Variants in CDH18 observed in about 807,000 individuals in gnomAD.
CDH18 encodes the protein cadherin 18, also known as cadherin-18.
Under a neutral mutation model 67.9 loss-of-function variants are expected in CDH18, and 31 were observed. The ratio of observed to expected loss-of-function variants is 0.46; its 90% CI spans 0.34 to 0.62. The LOEUF (loss-of-function observed/expected upper bound fraction) is 0.62, where lower values mean the gene tolerates loss of function less well. CDH18 is among the 20% of genes least tolerant of loss of function. CDH18 has a pLI of 0.01. For synonymous variants in CDH18, 362 were observed against 347.2 expected (o/e 1.04, Z -0.48); for missense variants, 890 against 975.5 (o/e 0.91, Z 1.17).
intron 1 of CDH18, among the ~76,000 whole-genome samples, chr5:20,332,450 T>C (rs1047869934): frequency 1.3e-5 from 2 of 152,216 alleles, no homozygotes; most frequent in African/African-American, 2.4e-5. Flanking sequence ...TGGTGAACGC[T>C]TAAGTCTGGG....
chr5:20,073,062 T>C (rs1389875563), intron 2 of CDH18, among the ~76,000 whole-genome samples: 1 of 151,926 alleles, frequency 6.6e-6, no homozygotes, highest in Non-Finnish European at 1.5e-5. Flanking sequence ...TTAGAAAACA[T>C]GTACATAAAA....
intron 5 of CDH18, among the ~76,000 whole-genome samples, chr5:19,666,356 C>T (rs904660784): frequency 8.6e-5 from 13 of 151,100 alleles, no homozygotes; most frequent in Non-Finnish European, 1.5e-4. Context: ...AATCCTCCTG[C>T]TTTGGCCTTC....
At chr5:20,380,033 T>C (rs1378504050) in intron 1 of CDH18, among the ~76,000 whole-genome samples, 1 of 152,148 alleles carries the variant, frequency 6.6e-6, no homozygotes, top group Non-Finnish European at 1.5e-5. Flanking sequence ...AAAGATGGAC[T>C]GTAGCTTCTA....
chr5:20,177,904 G>T (rs1848433), intron 2 of CDH18, among the ~76,000 whole-genome samples: 4,895 of 152,120 alleles, frequency 0.032, 262 homozygotes, highest in African/African-American at 0.11. Context: ...CACCATGATT[G>T]TGAGGTTTCC....
At chr5:19,876,458 A>C (rs570786485) in intron 2 of CDH18, among the ~76,000 whole-genome samples, 159 of 152,240 alleles carry the variant, frequency 1.0e-3, no homozygotes, top group African/African-American at 3.7e-3. Context: ...GTTATCTGGA[A>C]AAATCACTGT....
chr5:19,490,029 T>C (rs540297699), intron 11 of CDH18, among the ~76,000 whole-genome samples: 1 of 152,188 alleles, frequency 6.6e-6, no homozygotes, highest in East Asian at 1.9e-4. Flanking sequence ...AGAAAACTTC[T>C]ACCCGTTATT....
intron 1 of CDH18, among the ~76,000 whole-genome samples, chr5:19,983,448 T>C (rs1470995796): frequency 6.6e-6 from 1 of 152,186 alleles, no homozygotes; most frequent in Non-Finnish European, 1.5e-5. Context: ...CAACAATTCA[T>C]CTATCATATT....
At chr5:19,528,283 T>C (rs994148147) in intron 9 of CDH18, among the ~76,000 whole-genome samples, 3 of 151,752 alleles carry the variant, frequency 2.0e-5, no homozygotes, top group Non-Finnish European at 4.4e-5. Context: ...TACCTTGTGA[T>C]GAACTTTTAT....
At chr5:20,554,704 C>G (rs1757807892) in intron 1 of CDH18, among the ~76,000 whole-genome samples, 1 of 152,134 alleles carries the variant, frequency 6.6e-6, no homozygotes, top group Admixed American at 6.5e-5. Flanking sequence ...TCACTTTAAT[C>G]TGGATAGGCT....
At chr5:19,934,768 A>G (rs1157431566) in intron 2 of CDH18, among the ~76,000 whole-genome samples, 1 of 151,444 alleles carries the variant, frequency 6.6e-6, no homozygotes, top group African/African-American at 2.4e-5. Flanking sequence ...AAATGTTTAG[A>G]CAATGGATTT....
chr5:19,840,270 G>C (rs1268813986), intron 2 of CDH18, among the ~76,000 whole-genome samples: 1 of 78,888 alleles, frequency 1.3e-5, no homozygotes, highest in African/African-American at 4.6e-5. Context: ...GTGGGACTCC[G>C]TCTCAAAAAA....
chr5:20,305,074 TTA>T lies in CDH18; in HGVS notation c.-579-49571_-579-49570del, dbSNP rs571616311. ...ATTAGTTTTGGGATTTGAAACTTTT[TTA>T]TCAACCAAGGCGGTAGGGCCATTTG... is the stretch of plus-strand genomic sequence containing the variant. On this transcript the variant is annotated intron_variant, in intron 1 of 14. Coordinates refer to the CDH18 transcript ENST00000507958. The T allele has an allele frequency of 3.9e-5, 62 of 1,593,586 alleles. No homozygotes were observed. In the South Asian group the frequency reaches 6.3e-4, roughly 16 times the overall value.
chr5:19,795,753 T>C (rs1233513120), intron 3 of CDH18, among the ~76,000 whole-genome samples: 5 of 152,138 alleles, frequency 3.3e-5, no homozygotes, highest in Non-Finnish European at 5.9e-5. Flanking sequence ...AATCAATTGA[T>C]GTCAACACCG....
intron 3 of CDH18, among the ~76,000 whole-genome samples, chr5:19,837,855 T>C (rs1781855678): frequency 6.6e-6 from 1 of 152,146 alleles, no homozygotes; most frequent in Non-Finnish European, 1.5e-5. Flanking sequence ...TCTACTGCTG[T>C]GCTTGCTGTT....
At chr5:19,906,608 G>A (rs1041379674) in intron 2 of CDH18, among the ~76,000 whole-genome samples, 1 of 151,978 alleles carries the variant, frequency 6.6e-6, no homozygotes, top group Admixed American at 6.6e-5. Context: ...CCAAGTTACA[G>A]AGTCTTTTGT....
chr5:20,514,364 C>T (rs941573661), intron 1 of CDH18, among the ~76,000 whole-genome samples: 2 of 152,106 alleles, frequency 1.3e-5, no homozygotes, highest in African/African-American at 4.8e-5. Flanking sequence ...TTAGAAGAAG[C>T]CGCAGCTTCT....
intron 2 of CDH18, among the ~76,000 whole-genome samples, chr5:19,934,682 G>A (rs892669628): frequency 6.6e-6 from 1 of 151,482 alleles, no homozygotes; most frequent in African/African-American, 2.4e-5. Flanking sequence ...AGATACAGGG[G>A]TCTTAGTTAA....
intron 2 of CDH18, among the ~76,000 whole-genome samples, chr5:20,000,642 A>G (rs1736370538): frequency 6.6e-6 from 1 of 152,228 alleles, no homozygotes; most frequent in South Asian, 2.1e-4. Context: ...ACTGGGAGAC[A>G]GAATTTTATG....
chr5:20,244,413 A>G (rs2973194), intron 2 of CDH18, among the ~76,000 whole-genome samples: 106,506 of 151,934 alleles, frequency 0.7, 38,006 homozygotes, highest in African/African-American at 0.85. Flanking sequence ...ATCGTTGTCC[A>G]GCAATGTCTT....
Sources: gnomAD v4.1 joint callset for allele counts (sites outside exome capture counted in the v4.1 genomes callset) on GRCh38, gnomAD v4.1.1 for gene constraint, MANE v1.5 for transcripts, NCBI Gene and HGNC (gene_info 2026-07-23, HGNC 2026-07-21) for gene names.